Variants in TMEM178B observed in about 807,000 individuals in gnomAD.
The protein encoded by TMEM178B is transmembrane protein 178B.
TMEM178B carries 5 observed loss-of-function variants against 31.0 expected under a neutral mutation model. The observed-to-expected ratio is 0.16, with a 90% CI of 0.08 to 0.34. TMEM178B has a LOEUF of 0.34. TMEM178B is among the 10% of genes least tolerant of loss of function. TMEM178B has a pLI of 1.00. For synonymous variants in TMEM178B, 164 were observed against 164.0 expected (o/e 1.00, Z 0.00); for missense variants, 275 against 400.3 (o/e 0.69, Z 2.67).
intron 2 of TMEM178B, among the ~76,000 whole-genome samples, chr7:141,295,717 G>A (rs1166172788): frequency 7.1e-6 from 1 of 140,996 alleles, no homozygotes; most frequent in Non-Finnish European, 1.6e-5. Context: ...ATCAAGAGAG[G>A]CAATTCACAA....
chr7:141,184,098 A>T (rs1194494789), intron 1 of TMEM178B, among the ~76,000 whole-genome samples: 6 of 152,260 alleles, frequency 3.9e-5, no homozygotes, highest in Non-Finnish European at 1.5e-5. Flanking sequence ...CCTGCAGAAC[A>T]GCACAGGCTA....
the TMEM178B span, among the ~76,000 whole-genome samples, chr7:141,497,434 C>T: frequency 6.6e-6 from 1 of 152,148 alleles, no homozygotes; most frequent in Admixed American, 6.5e-5. Context: ...TGTGATTTTC[C>T]GTTACTTTGT....
chr7:141,498,072 C>A, the TMEM178B span, among the ~76,000 whole-genome samples: 2 of 152,236 alleles, frequency 1.3e-5, no homozygotes, highest in African/African-American at 4.8e-5. Flanking sequence ...ATACCTCACC[C>A]TGCAATAAGT....
At chr7:141,143,844 A>G (rs903810476) in intron 1 of TMEM178B, among the ~76,000 whole-genome samples, 1 of 152,138 alleles carries the variant, frequency 6.6e-6, no homozygotes, top group African/African-American at 2.4e-5. Context: ...CTTCCAGTTC[A>G]TGGGCATGTA....
At chr7:141,177,969 T>C (rs1796460836) in intron 1 of TMEM178B, among the ~76,000 whole-genome samples, 1 of 152,232 alleles carries the variant, frequency 6.6e-6, no homozygotes, top group Admixed American at 6.5e-5. Context: ...TATGTGTGAA[T>C]TTGATCTTGC....
chr7:141,081,155 A>G (rs801158), intron 1 of TMEM178B, among the ~76,000 whole-genome samples: 115,638 of 152,070 alleles, frequency 0.76, 45,215 homozygotes, highest in Non-Finnish European at 0.85. Context: ...CTCCATGTGC[A>G]CCATTGCCCC....
At chr7:141,184,886 G>C (rs1314317994) in intron 1 of TMEM178B, among the ~76,000 whole-genome samples, 1 of 152,180 alleles carries the variant, frequency 6.6e-6, no homozygotes, top group African/African-American at 2.4e-5. Flanking sequence ...GAAAACACAG[G>C]TAACCCTGGG....
chr7:141,254,219 A>G (rs745319231), intron 2 of TMEM178B, among the ~76,000 whole-genome samples: 1 of 152,146 alleles, frequency 6.6e-6, no homozygotes, highest in Non-Finnish European at 1.5e-5. Context: ...CCATCCCACC[A>G]AAGTACAGAG....
At chr7:141,351,777 C>G (rs1413421693) in intron 2 of TMEM178B, among the ~76,000 whole-genome samples, 1 of 151,918 alleles carries the variant, frequency 6.6e-6, no homozygotes, top group Non-Finnish European at 1.5e-5. Context: ...TTTTTAGCAC[C>G]CCCCAACTTC....
chr7:141,204,712 A>G (rs1796934616), intron 1 of TMEM178B, among the ~76,000 whole-genome samples: 1 of 152,254 alleles, frequency 6.6e-6, no homozygotes, highest in South Asian at 2.1e-4. Flanking sequence ...TTTACCTAGT[A>G]GATCATTTGA....
intron 1 of TMEM178B, among the ~76,000 whole-genome samples, chr7:141,180,463 C>CAAAAGAAAAAAAA (rs1796506394): frequency 1.2e-5 from 1 of 83,304 alleles, no homozygotes. Flanking sequence ...GAGCCCATCT[C>CAAAAGAAAAAAAA]AAAAAAAAAA....
At chr7:141,169,377 A>G (rs1796312360) in intron 1 of TMEM178B, among the ~76,000 whole-genome samples, 1 of 152,184 alleles carries the variant, frequency 6.6e-6, no homozygotes, top group African/African-American at 2.4e-5. Context: ...ACATAATATC[A>G]TTCTTTTTTA....
intron 2 of TMEM178B, among the ~76,000 whole-genome samples, chr7:141,264,933 G>C (rs1222594950): frequency 6.6e-6 from 1 of 152,168 alleles, no homozygotes; most frequent in East Asian, 1.9e-4. Flanking sequence ...CAAGTGCCAA[G>C]CACTGTTACA....
At chr7:141,359,108 T>G (rs553215725) in intron 2 of TMEM178B, among the ~76,000 whole-genome samples, 1 of 152,282 alleles carries the variant, frequency 6.6e-6, no homozygotes, top group South Asian at 2.1e-4. Context: ...GAAATTCCAT[T>G]TGGGAGACAC....
chr7:141,495,151 C>T, the TMEM178B span, among the ~76,000 whole-genome samples: 1 of 152,114 alleles, frequency 6.6e-6, no homozygotes, highest in African/African-American at 2.4e-5. Context: ...CATGTCAAAT[C>T]CCAAAATAGA....
intron 2 of TMEM178B, among the ~76,000 whole-genome samples, chr7:141,413,822 TGTAAGAGCAACACA>T (rs1801048101): frequency 1.4e-5 from 2 of 145,312 alleles, no homozygotes; most frequent in Non-Finnish European, 3.1e-5. Flanking sequence ...TCCTCTTTGA[TGTAAGAGCAACACA>T]TACTTATTAT....
At chr7:141,269,781 G>A (rs553974815) in intron 2 of TMEM178B, among the ~76,000 whole-genome samples, 1 of 152,102 alleles carries the variant, frequency 6.6e-6, no homozygotes, top group Admixed American at 6.5e-5. Flanking sequence ...GTGTGACTTT[G>A]CGGCCAGGCA....
intron 2 of TMEM178B, among the ~76,000 whole-genome samples, chr7:141,363,748 C>T (rs1169447431): frequency 1.3e-5 from 2 of 152,072 alleles, no homozygotes; most frequent in African/African-American, 4.8e-5. Flanking sequence ...TAAGCCTGGA[C>T]ACACAGGAGA....
intron 2 of TMEM178B, among the ~76,000 whole-genome samples, chr7:141,399,051 A>G (rs1388767098): frequency 2.6e-5 from 4 of 152,326 alleles, no homozygotes; most frequent in South Asian, 2.1e-4. Flanking sequence ...CAGATTCAGC[A>G]CCTGTTTTCT....
Sources: gnomAD v4.1 joint callset for allele counts (sites outside exome capture counted in the v4.1 genomes callset) on GRCh38, gnomAD v4.1.1 for gene constraint, MANE v1.5 for transcripts, NCBI Gene and HGNC (gene_info 2026-07-23, HGNC 2026-07-21) for gene names.